Variants in ALPG observed in about 807,000 individuals in gnomAD.
The protein encoded by ALPG is alkaline phosphatase, germ cell type.
ALPG carries 32 observed loss-of-function variants against 48.6 expected under a neutral mutation model. The ratio of observed to expected loss-of-function variants is 0.66; its 90% CI spans 0.50 to 0.88. The LOEUF (loss-of-function observed/expected upper bound fraction) is 0.88. ALPG is among the 40% of genes least tolerant of loss of function. The pLI, the probability that ALPG is intolerant of heterozygous loss-of-function variation, is 0.00. For synonymous variants in ALPG, 244 were observed against 308.9 expected, an observed-to-expected ratio of 0.79 and a Z score of 2.20; for missense variants, 533 against 718.1, an observed-to-expected ratio of 0.74 and a Z score of 2.95.
chr2:232,408,513 G>T lies in ALPG; in HGVS notation c.796G>T (p.Val266Leu). Residue 266 changes from valine (V) to leucine (L), a missense_variant, in exon 7 of 11, where the codon GTG (valine) becomes TTG (leucine). Val to Leu is a conservative substitution (Grantham distance 32). Coordinates refer to ENST00000295453, the MANE Select transcript of ALPG (RefSeq NM_031313.3). ...WLAKHQGARY[V>L]WNRTELLQAS... ...TCCCTCCCCGCAGGGTGCCCGGTAC[G>T]TGTGGAACCGCACTGAGCTCCTGCA... is the stretch of plus-strand genomic sequence containing the variant. The T allele has an allele frequency of 1.3e-6, 2 of 1,592,512 alleles. No homozygotes were observed. The highest frequency in any genetic ancestry group is 2.2e-5 in the South Asian group (2 of 90,096).
chr2:232,407,155 ATC>A lies in ALPG; in HGVS notation c.167_168del (p.Ile56AsnfsTer5). ...QPAQTAAKNL[I>X]IFLGDGMGVS... ...TGCACAGACAGCCGCCAAGAACCTC[ATC>A]ATCTTCCTGGGTGACGGTGAGTGAG... On this transcript the variant is annotated frameshift_variant, in exon 2 of 11. Coordinates refer to ENST00000295453, the MANE Select transcript of ALPG (RefSeq NM_031313.3). LOFTEE classifies it high-confidence loss of function. 6.2e-7 allele frequency: 1 copy of A among 1,613,326 alleles called. No homozygotes were observed. The highest frequency in any genetic ancestry group is 8.5e-7 in the Non-Finnish European group (1 of 1,179,536).
In ALPG at chr2:232,407,133, A is replaced by G. The variant is rs1697097205; in HGVS notation, c.144A>G (p.Ala48=). 6.2e-7 allele frequency: 1 copy of G among 1,613,942 alleles called. No individual in the cohort carries two copies. Among genetic ancestry groups the G allele is most frequent in the Non-Finnish European group, 8.5e-7 (1 of 1,180,008 alleles). The change falls in exon 2 of 11, where the codon GCA becomes GCG. Residue 48 remains alanine, a synonymous_variant. Transcript: ENST00000295453. ...GTGCCGCCAAGAAGCTGCAGCCTGC[A>G]CAGACAGCCGCCAAGAACCTCATCA... The part of the protein sequence containing the change: ...ALGAAKKLQP[A]QTAAKNLIIF...
intron 10 of ALPG, 60 bp from the exon 11 acceptor site, chr2:232,409,514 G>C: frequency 6.2e-7 from 1 of 1,610,350 alleles, no homozygotes; most frequent in Non-Finnish European, 8.5e-7. Context: ...TGGCGGGAAG[G>C]GGTCACCTCT....
intron 2 of ALPG, 21 bp from the exon 3 acceptor site, chr2:232,407,265 C>T (rs1697101040): frequency 3.1e-6 from 5 of 1,613,852 alleles, no homozygotes; most frequent in Non-Finnish European, 4.2e-6. Context: ...GAGCAAGCCT[C>T]ACACACTTCT....
rs1450924106 is a variant in ALPG, at chr2:232,409,918, T to C, written c.*46T>C. On this transcript the variant is annotated 3_prime_UTR_variant, in exon 11 of 11. Transcript: ENST00000295453. ...CTGCTTCCCCATCCCGGAGTTCCCC[T>C]GCTCCCCACCTCCAGTCGTCCTGCC... 3 of 1,498,868 alleles carry C rather than the reference T, an allele frequency of 2.0e-6. No individual in the cohort carries two copies. The highest frequency in any genetic ancestry group is 2.7e-6 in the Non-Finnish European group (3 of 1,130,390). The allele number at this position is 1,498,868 out of a possible 1,614,324, so 92.8% of individuals were successfully genotyped here.
At position 232,407,914 on chromosome 2, in the gene ALPG, C is replaced by A; in HGVS notation, c.545C>A (p.Thr182Lys). ...HASPAGAYAH[T>K]VNRNWYSDAD... ...TCGCCAGCCGGCGCCTACGCCCACA[C>A]GGTGAACCGCAACTGGTACTCGGAT... The change falls in exon 5 of 11, where the codon ACG (threonine) becomes AAG (lysine). Residue 182 changes from threonine (T) to lysine (K), a missense_variant. Thr to Lys is a moderately conservative substitution (Grantham distance 78). Coordinates refer to ENST00000295453, the MANE Select transcript of ALPG (RefSeq NM_031313.3). 6.2e-7 allele frequency: 1 copy of A among 1,613,472 alleles called. No homozygotes were observed. Among genetic ancestry groups the A allele is most frequent in the Non-Finnish European group, 8.5e-7 (1 of 1,180,016 alleles).
Position 232,407,291 on chromosome 2 carries a change from G to C in ALPG, c.190G>C (p.Gly64Arg), listed in dbSNP as rs145198310. 100 of 1,613,880 alleles carry C rather than the reference G, an allele frequency of 6.2e-5. No homozygotes were observed. Among genetic ancestry groups the C allele is most frequent in the Middle Eastern group, 1.6e-4 (1 of 6,082 alleles). The change falls in exon 3 of 11, where the codon GGG becomes CGG. Residue 64 changes from glycine (G) to arginine (R), a missense_variant. Around this residue, in one of 6 missense-constraint regions of ALPG, gnomAD observed 315 missense variants for 305.8 expected, o/e 1.03. Coordinates refer to ENST00000295453, the MANE Select transcript of ALPG (RefSeq NM_031313.3). ...NLIIFLGDGM[G>R]VSTVTAARIL... ...ACACACTTCTGCTCCTTCAGGGATG[G>C]GGGTGTCTACGGTGACAGCTGCCAG... is the stretch of plus-strand genomic sequence containing the variant.
Position 232,409,266 on chromosome 2 carries a change from G to A in ALPG, c.1184-66G>A, listed in dbSNP as rs1697144997. On this transcript the variant is annotated intron_variant, in intron 9 of 10. Coordinates refer to ENST00000295453, the MANE Select transcript of ALPG (RefSeq NM_031313.3). ...CCCTGACCAGGCAAAACGTGGCGGT[G>A]CCTAGCACGTGGGAGACACTCCACA... 13 of 1,564,074 alleles carry A rather than the reference G, an allele frequency of 8.3e-6. 1 individual carries two copies. In the Admixed American group the frequency reaches 2.2e-4, roughly 27 times the overall value.
In ALPG at chr2:232,409,912, T is replaced by C; in HGVS notation, c.*40T>C. The C allele has an allele frequency of 6.6e-7, 1 of 1,505,868 alleles. No individual in the cohort carries two copies. The highest frequency in any genetic ancestry group is 8.8e-7 in the Non-Finnish European group (1 of 1,133,670). 93.3% of individuals were successfully genotyped at this position (1,505,868 alleles called of 1,614,324 possible). A position where few individuals can be genotyped will look rare whatever the true frequency, so the allele number is the denominator to read the frequency against. The stretch of plus-strand genomic sequence containing the variant: ...GGGCTCCTGCTTCCCCATCCCGGAG[T>C]TCCCCTGCTCCCCACCTCCAGTCGT... On this transcript the variant is annotated 3_prime_UTR_variant, in exon 11 of 11. Coordinates refer to ENST00000295453, the MANE Select transcript of ALPG (RefSeq NM_031313.3).
rs750679788 is a variant in ALPG, at chr2:232,409,879, C to T, written c.*7C>T. 1.2e-5 allele frequency: 19 copies of T among 1,550,196 alleles called. No individual in the cohort carries two copies. Among genetic ancestry groups the T allele is most frequent in the Middle Eastern group, 2.2e-4 (1 of 4,480 alleles). The stretch of plus-strand genomic sequence containing the variant: ...GACGGCCACTGCTCCCTGAGTGTCC[C>T]GTCCCTGGGGCTCCTGCTTCCCCAT... On this transcript the variant is annotated 3_prime_UTR_variant, in exon 11 of 11. Coordinates refer to ENST00000295453, the MANE Select transcript of ALPG (RefSeq NM_031313.3).
Position 232,407,686 on chromosome 2 carries a change from G to C in ALPG, c.393G>C (p.Leu131Phe). 1 of 1,613,832 alleles carries C rather than the reference G, an allele frequency of 6.2e-7. No individual in the cohort carries two copies. Among genetic ancestry groups the C allele is most frequent in the Non-Finnish European group, 8.5e-7 (1 of 1,179,998 alleles). The change falls in exon 4 of 11, where the codon TTG becomes TTC. Residue 131 changes from leucine to phenylalanine, a missense_variant. Transcript: ENST00000295453. ...GVKGNFQTIG[L>F]SAAARFNQCN... ...AGGGCAACTTCCAGACCATTGGCTT[G>C]AGTGCAGCCGCCCGCTTTAACCAGT...
In ALPG at chr2:232,408,363, G is replaced by C; in HGVS notation, c.745G>C (p.Gly249Arg). ...CAGCCAAGGTGGGACCAGGCTGGAC[G>C]GGAAGAATCTGGTGCAGGAATGGCT... ...DYSQGGTRLD[G>R]KNLVQEWLAK... The change falls in exon 6 of 11, where the codon GGG becomes CGG. Residue 249 changes from glycine (G) to arginine (R), a missense_variant. By Grantham distance (125) the Gly-to-Arg change is moderately radical. This residue lies in a region of ALPG where 40 missense variants were observed against 74.5 expected (regional missense o/e 0.54). Transcript: ENST00000295453. 2 of 1,610,318 alleles carry C rather than the reference G, an allele frequency of 1.2e-6. No individual in the cohort carries two copies. The highest frequency in any genetic ancestry group is 1.7e-6 in the Non-Finnish European group (2 of 1,178,442).
intron 3 of ALPG, 68 bp from the exon 4 acceptor site, chr2:232,407,526 C>T: frequency 6.2e-7 from 1 of 1,603,318 alleles, no homozygotes; most frequent in Non-Finnish European, 8.5e-7. Context: ...AGTTGGAATC[C>T]CAGAGGACAG....
rs186822274 is a variant in ALPG at position 232,410,192 on chromosome 2, C to T, written c.*320C>T. ...TATCCTGAGGTGGATCAGGCAGGCTCTCTCCCCGGGGACATGAGGCACCCA... is the reference window on the plus strand; with the variant it reads ...TATCCTGAGGTGGATCAGGCAGGCTTTCTCCCCGGGGACATGAGGCACCCA... On this transcript the variant is annotated 3_prime_UTR_variant, in exon 11 of 11. Transcript: ENST00000295453. The T allele has an allele frequency of 1.3e-5, 6 of 468,716 alleles. No individual in the cohort carries two copies. Among genetic ancestry groups the T allele is most frequent in the African/African-American group, 1.0e-4 (5 of 49,436 alleles). The allele number at this position is 468,716 out of a possible 1,614,324, so 29.0% of individuals were successfully genotyped here.
intron 6 of ALPG, 38 bp from the exon 7 acceptor site, chr2:232,408,463 G>A (rs760417729): frequency 5.1e-6 from 8 of 1,582,090 alleles, no homozygotes; most frequent in Non-Finnish European, 6.9e-6. Context: ...TGGGGCTCGG[G>A]GCTGTGGGCT....
In ALPG at chr2:232,408,022, G is replaced by A. The variant is rs1443340666; in HGVS notation, c.648+5G>A. The A allele has an allele frequency of 6.2e-7, 1 of 1,606,666 alleles. No individual in the cohort carries two copies. The highest frequency in any genetic ancestry group is 1.3e-5 in the African/African-American group (1 of 74,998). ...ATCTCCAACATGGACATTGATGTGC[G>A]ACCCCCGGGCCAAGGGCTGGGGCTG... On this transcript the variant is annotated splice_donor_5th_base_variant and intron_variant, in intron 5 of 10. Transcript: ENST00000295453.
chr2:232,407,030 C>T (rs369734833), intron 1 of ALPG, 27 bp from the exon 2 acceptor site: 47 of 1,613,608 alleles, frequency 2.9e-5, no homozygotes, highest in Non-Finnish European at 3.6e-5. Flanking sequence ...CCCAGGCTGA[C>T]CTGATCTTTG....
rs1322495531 is a variant in ALPG at position 232,410,471 on chromosome 2, C to A, written c.*599C>A. On this transcript the variant is annotated 3_prime_UTR_variant, in exon 11 of 11. Coordinates refer to ENST00000295453, the MANE Select transcript of ALPG (RefSeq NM_031313.3). ...GCCCATGAGTCAGAGAGGCTTGCCCCAAGTCACAGCCACTCAGATGTTCGA... is the reference window on the plus strand; with the variant it reads ...GCCCATGAGTCAGAGAGGCTTGCCCAAAGTCACAGCCACTCAGATGTTCGA... The A allele has an allele frequency of 6.4e-6, 1 of 155,422 alleles. No individual in the cohort carries two copies. The highest frequency in any genetic ancestry group is 1.4e-5 in the Non-Finnish European group (1 of 70,444). The allele number at this position is 155,422 out of a possible 1,614,324, so 9.6% of individuals were successfully genotyped here.
In ALPG at chr2:232,409,917, C is replaced by A; in HGVS notation, c.*45C>A. The A allele has an allele frequency of 1.3e-6, 2 of 1,498,910 alleles. No homozygotes were observed. The highest frequency in any genetic ancestry group is 1.8e-6 in the Non-Finnish European group (2 of 1,130,400). 92.9% of individuals were successfully genotyped at this position (1,498,910 alleles called of 1,614,324 possible). On this transcript the variant is annotated 3_prime_UTR_variant, in exon 11 of 11. Coordinates refer to ENST00000295453, the MANE Select transcript of ALPG (RefSeq NM_031313.3). ...CCTGCTTCCCCATCCCGGAGTTCCCCTGCTCCCCACCTCCAGTCGTCCTGC... is the reference window on the plus strand; with the variant it reads ...CCTGCTTCCCCATCCCGGAGTTCCCATGCTCCCCACCTCCAGTCGTCCTGC...
Sources: allele counts gnomAD v4.1 joint callset, GRCh38; gene constraint gnomAD v4.1.1; regional missense constraint gnomAD v4.1.1; transcripts MANE v1.5; gene names NCBI Gene and HGNC (gene_info 2026-07-23, HGNC 2026-07-21).